ATP10A: variants seen among roughly 807,000 people sequenced by gnomAD.
ATP10A encodes phospholipid-transporting ATPase VA.
ATP10A carries 111 observed loss-of-function variants against 147.8 expected under a neutral mutation model. The observed-to-expected ratio is 0.75, with a 90% CI of 0.64 to 0.88. ATP10A has a LOEUF of 0.88. ATP10A is among the 40% of genes least tolerant of loss of function. The pLI is 0.00. For missense variants in ATP10A, 1,927 were observed against 1,959.0 expected, an observed-to-expected ratio of 0.98 and a Z score of 0.31; for synonymous variants, 875 against 841.6, an observed-to-expected ratio of 1.04 and a Z score of -0.69.
intron 1 of ATP10A, among the ~76,000 whole-genome samples, chr15:25,857,961 C>T (rs1257780797): frequency 1.4e-5 from 2 of 141,864 alleles, no homozygotes; most frequent in South Asian, 2.1e-4. Flanking sequence ...ACATTTGGCT[C>T]ATATTAACAA....
rs151038435 is a variant in ATP10A at position 25,682,983 on chromosome 15, C to G, written c.3492+303G>C. On this transcript the variant is annotated intron_variant, in intron 17 of 20. Transcript: ENST00000555815. ...TCCCGTTCAAAATAAGTCACATTTT[C>G]TTCCTTGCTTTAGAAAAATCCCCCC... 2.6e-3 allele frequency among the ~76,000 whole-genome samples: 392 copies of G among 152,238 alleles called. 2 individuals carry two copies. The highest frequency in any genetic ancestry group is 6.3e-3 in the Admixed American group (97 of 15,294).
intron 1 of ATP10A, among the ~76,000 whole-genome samples, chr15:25,855,828 T>C (rs1893494050): frequency 1.3e-5 from 2 of 152,162 alleles, no homozygotes; most frequent in Non-Finnish European, 1.5e-5. Context: ...TTATTAGATA[T>C]AATAAGTGAG....
At position 25,679,637 on chromosome 15, in the gene ATP10A, C is replaced by G. The variant is rs1219608199; in HGVS notation, c.4204G>C (p.Val1402Leu). ...APMSSAPGEA[V>L]LRSPGGCPEE... is the part of the protein sequence containing the mutation. Reference sequence around the variant, plus strand: ...GGACACCCTCCTGGACTCCTCAGGACAGCCTCCCCTGGCGCAGAGGACATG... The same window carrying G: ...GGACACCCTCCTGGACTCCTCAGGAGAGCCTCCCCTGGCGCAGAGGACATG... Residue 1402 changes from valine to leucine, a missense_variant, in exon 21 of 21, where the codon GTC becomes CTC. Transcript: ENST00000555815. 1.9e-6 allele frequency: 3 copies of G among 1,613,386 alleles called. No individual in the cohort carries two copies. In the Admixed American group the frequency reaches 5.0e-5, roughly 27 times the overall value.
intron 9 of ATP10A, among the ~76,000 whole-genome samples, chr15:25,714,538 C>T (rs544237487): frequency 7.9e-5 from 12 of 152,096 alleles, no homozygotes; most frequent in East Asian, 3.9e-4. Context: ...TGAGATCGTC[C>T]GCTGGCCTCT....
At chr15:25,693,017 C>T (rs1035975696) in intron 14 of ATP10A, among the ~76,000 whole-genome samples, 6 of 151,042 alleles carry the variant, frequency 4.0e-5, no homozygotes, top group Non-Finnish European at 5.9e-5. Context: ...GTTGCCCCAG[C>T]AGTTTTTTTT....
intron 1 of ATP10A, among the ~76,000 whole-genome samples, chr15:25,788,962 G>T (rs879862518): frequency 6.6e-6 from 1 of 152,050 alleles, no homozygotes; most frequent in Non-Finnish European, 1.5e-5. Flanking sequence ...TATTTTGCGG[G>T]GATGTTTGTT....
intron 1 of ATP10A, among the ~76,000 whole-genome samples, chr15:25,791,524 G>C (rs541566190): frequency 4.7e-4 from 72 of 152,162 alleles, no homozygotes; most frequent in Middle Eastern, 6.8e-3. Flanking sequence ...GTAGCTGGGA[G>C]TAGCTAACAT....
chr15:25,694,926 A>G lies in ATP10A; in HGVS notation c.2981T>C (p.Leu994Pro), dbSNP rs1284189363. The change falls in exon 14 of 21, where the codon CTT becomes CCT. Residue 994 changes from leucine to proline, a missense_variant. By Grantham distance (98) the Leu-to-Pro change is moderately conservative. Transcript: ENST00000555815. ...GAGGACGGAGCGGCACTGCTTGGCAAGGAAGAGGAATTTGTCCTCCAGGTT... is the reference window on the plus strand; with the variant it reads ...GAGGACGGAGCGGCACTGCTTGGCAGGGAAGAGGAATTTGTCCTCCAGGTT... ...EKNLEDKFLF[L>P]AKQCRSVLCC... 1 of 1,614,180 alleles carries G rather than the reference A, an allele frequency of 6.2e-7. No individual in the cohort carries two copies. The highest frequency in any genetic ancestry group is 8.5e-7 in the Non-Finnish European group (1 of 1,180,024).
intron 9 of ATP10A, among the ~76,000 whole-genome samples, chr15:25,716,322 G>T (rs533224603): frequency 6.6e-6 from 1 of 150,384 alleles, no homozygotes; most frequent in Admixed American, 6.6e-5. Context: ...CCTGAGGCTC[G>T]GGGAGGTTGT....
intron 1 of ATP10A, among the ~76,000 whole-genome samples, chr15:25,827,306 G>A (rs984989000): frequency 2.0e-4 from 30 of 152,170 alleles, no homozygotes; most frequent in African/African-American, 6.3e-4. Flanking sequence ...ACACTAGACT[G>A]TAACTTGAAT....
At chr15:25,780,987 C>T in intron 2 of ATP10A, 32 bp downstream of exon 2, 2 of 1,607,100 alleles carry the variant, frequency 1.2e-6, no homozygotes, top group Non-Finnish European at 1.7e-6. Flanking sequence ...GGCTGTAATG[C>T]CTGCAAGGCC....
chr15:25,715,785 G>A (rs1251242263), intron 9 of ATP10A, among the ~76,000 whole-genome samples: 2 of 152,306 alleles, frequency 1.3e-5, no homozygotes, highest in East Asian at 3.9e-4. Flanking sequence ...ACCCCACATC[G>A]CCTGCGGAGG....
rs936766124 is a variant in ATP10A, at chr15:25,724,016, C to T, written c.985G>A (p.Gly329Arg). 2 of 1,584,094 alleles carry T rather than the reference C, an allele frequency of 1.3e-6. No homozygotes were observed. The highest frequency in any genetic ancestry group is 1.4e-5 in the African/African-American group (1 of 73,372). Residue 329 changes from glycine (G) to arginine (R), a missense_variant, in exon 6 of 21, where the codon GGA becomes AGA. Gly to Arg is a moderately radical substitution (Grantham distance 125). Coordinates refer to ENST00000555815, the MANE Select transcript of ATP10A (RefSeq NM_024490.4). ...CMSLFSAVGH[G>R]LWIWRYQEKK... is the part of the protein sequence containing the mutation. ...TCTTGATACCGCCATATCCACAGTCCATGTCCTGTAGTAATGTTCAAAGAG... is the reference window on the plus strand; with the variant it reads ...TCTTGATACCGCCATATCCACAGTCTATGTCCTGTAGTAATGTTCAAAGAG...
chr15:25,693,598 G>A (rs1398469425), intron 14 of ATP10A, among the ~76,000 whole-genome samples: 1 of 152,184 alleles, frequency 6.6e-6, no homozygotes, highest in African/African-American at 2.4e-5. Context: ...GGTGGTGCAG[G>A]TCAGCCTGAA....
chr15:25,786,085 G>C (rs1234528545), intron 1 of ATP10A, among the ~76,000 whole-genome samples: 1 of 152,264 alleles, frequency 6.6e-6, no homozygotes, highest in Non-Finnish European at 1.5e-5. Context: ...TGGGGAGAAG[G>C]AGAGCTGAGG....
rs146650020 is a variant in ATP10A at position 25,829,588 on chromosome 15, C to T, written c.449+33060G>A. ...AAACATCTAAATGCCCAAATCCATA[C>T]GTGGGTCAGACTGTAGTAAGATAAA... On this transcript the variant is annotated intron_variant, in intron 1 of 20. Transcript: ENST00000555815. Among the ~76,000 whole-genome samples, 132 of 152,158 alleles carry T rather than the reference C, an allele frequency of 8.7e-4. 1 individual carries two copies. The highest frequency in any genetic ancestry group is 3.1e-3 in the African/African-American group (129 of 41,518).
intron 1 of ATP10A, among the ~76,000 whole-genome samples, chr15:25,858,476 C>T (rs1005087554): frequency 6.6e-6 from 1 of 151,916 alleles, no homozygotes; most frequent in Non-Finnish European, 1.5e-5. Context: ...GAAACAAAAG[C>T]CCTGGCAGAA....
rs773335986 is a variant in ATP10A at position 25,708,103 on chromosome 15, C to T, written c.2449-1G>A. On this transcript the variant is annotated splice_acceptor_variant, in intron 11 of 20. Transcript: ENST00000555815. LOFTEE classifies it high-confidence loss of function. ...AGGCATACTCTTCTTTACTCAGAACCTATGGGAGATACATTGTTGAGTGCT... is the reference window on the plus strand; with the variant it reads ...AGGCATACTCTTCTTTACTCAGAACTTATGGGAGATACATTGTTGAGTGCT... 1.2e-6 allele frequency: 2 copies of T among 1,613,898 alleles called. No individual in the cohort carries two copies. Among genetic ancestry groups the T allele is most frequent in the South Asian group, 2.2e-5 (2 of 91,086 alleles).
intron 5 of ATP10A, 46 bp from the exon 6 acceptor site, chr15:25,724,067 TAAG>T: frequency 6.9e-7 from 1 of 1,453,388 alleles, no homozygotes; most frequent in South Asian, 1.5e-5. Context: ...AATGGAAAAA[TAAG>T]AATATTGCTA....
Sources: allele counts gnomAD v4.1 joint callset (sites outside exome capture counted in the v4.1 genomes callset), GRCh38; gene constraint gnomAD v4.1.1; transcripts MANE v1.5; gene names NCBI Gene and HGNC (gene_info 2026-07-23, HGNC 2026-07-21).